Variants in RUSC1 observed in about 807,000 individuals in gnomAD.
RUSC1 encodes AP-4 complex accessory subunit RUSC1.
Under a neutral mutation model 72.1 loss-of-function variants are expected in RUSC1, and 40 were observed. The ratio of observed to expected loss-of-function variants is 0.55; its 90% CI spans 0.43 to 0.72. The LOEUF (loss-of-function observed/expected upper bound fraction) is 0.72, where lower values mean the gene tolerates loss of function less well. Among genes scored for constraint, RUSC1 ranks in the 30% least tolerant of loss-of-function variants. RUSC1 has a pLI of 0.00. For synonymous variants in RUSC1, 512 were observed against 494.2 expected, an observed-to-expected ratio of 1.04 and a Z score of -0.48; for missense variants, 1,092 against 1,172.3, an observed-to-expected ratio of 0.93 and a Z score of 1.00.
At position 155,322,289 on chromosome 1, in the gene RUSC1, T is replaced by A; in HGVS notation, c.516T>A (p.Ser172=). The part of the protein sequence containing the change: ...CSPDSCSGAS[S]SPDPGLDSNC... The stretch of plus-strand genomic sequence containing the variant: ...CTGATTCCTGCTCCGGAGCTTCTTC[T>A]TCACCCGATCCTGGCCTGGACTCGA... Residue 172 remains serine (S), a synonymous_variant, in exon 2 of 10, where the codon TCT becomes TCA. Transcript: ENST00000368352. The A allele has an allele frequency of 1.9e-6, 3 of 1,611,442 alleles. No homozygotes were observed. Among genetic ancestry groups the A allele is most frequent in the Non-Finnish European group, 2.5e-6 (3 of 1,178,076 alleles).
At position 155,321,893 on chromosome 1, in the gene RUSC1, CCCT is replaced by C. The variant is rs1206879692; in HGVS notation, c.126_128del (p.Pro43del). On this transcript the variant is annotated inframe_deletion, in exon 2 of 10. Transcript: ENST00000368352. The stretch of plus-strand genomic sequence containing the variant: ...TACAGGAGGGGCCTTTGAGCACACC[CCCT>C]CCTCCAGGAGACACTGGGGGCAAGG... 1 of 1,612,254 alleles carries C rather than the reference CCCT, an allele frequency of 6.2e-7. No homozygotes were observed. Among genetic ancestry groups the C allele is most frequent in the Non-Finnish European group, 8.5e-7 (1 of 1,179,462 alleles).
At chr1:155,321,058 G>A in intron 1 of RUSC1, 67 bp downstream of exon 1, 1 of 1,440,022 alleles carries the variant, frequency 6.9e-7, no homozygotes, top group Non-Finnish European at 9.3e-7. Flanking sequence ...GCAGGACAAG[G>A]GAGCAGGAGA....
rs753893340 is a variant in RUSC1 at position 155,322,365 on chromosome 1, G to A, written c.592G>A (p.Glu198Lys). 43 of 1,613,786 alleles carry A rather than the reference G, an allele frequency of 2.7e-5. No individual in the cohort carries two copies. Among genetic ancestry groups the A allele is most frequent in the Non-Finnish European group, 2.6e-5 (31 of 1,179,776 alleles). ...GGACGTCCCTTCCCCAGGCTTGGAG[G>A]AAGAGGACGAGAGGGCGGAGCAGGA... Reference protein sequence around the residue: ...CQDVPSPGLEEEDERAEQDLP... With the variant: ...CQDVPSPGLEKEDERAEQDLP... Residue 198 changes from glutamate to lysine, a missense_variant, in exon 2 of 10, where the codon GAA becomes AAA. Coordinates refer to ENST00000368352, the MANE Select transcript of RUSC1 (RefSeq NM_001105203.2).
chr1:155,321,039 A>C, intron 1 of RUSC1, 48 bp downstream of exon 1: 1 of 1,467,270 alleles, frequency 6.8e-7, no homozygotes, highest in Non-Finnish European at 9.2e-7. Context: ...CCTGGGCACG[A>C]GGGGCGGGGC....
Position 155,322,974 on chromosome 1 carries a change from C to A in RUSC1, c.1201C>A (p.Pro401Thr). The change falls in exon 2 of 10, where the codon CCC becomes ACC. Residue 401 changes from proline (P) to threonine (T), a missense_variant. Physicochemically the swap from Pro to Thr is conservative, Grantham distance 38. Transcript: ENST00000368352. ...TGGCTGGGCTTTGGTCCCGCCCCGG[C>A]CCCCACCCCCGCCTGTCCCTCCCCG... ...PVGWALVPPR[P>T]PPPPVPPRRK... The A allele has an allele frequency of 2.0e-6, 3 of 1,485,834 alleles. No individual in the cohort carries two copies. Among genetic ancestry groups the A allele is most frequent in the Non-Finnish European group, 2.7e-6 (3 of 1,102,354 alleles). The allele number at this position is 1,485,834 out of a possible 1,614,324, so 92.0% of individuals were successfully genotyped here.
chr1:155,326,672 C>T lies in RUSC1; in HGVS notation c.1954C>T (p.Gln652Ter). ...GTCCACAGAGCTGCTGCTCCTGCTG[C>T]AGCCATTGTCGGTGCTCACTTTCCA... ...SLSTELLLLL[Q>*]PLSVLTFHLD... The change falls in exon 8 of 10, where the codon CAG becomes TAG. Residue 652 changes from glutamine (Q) to a stop codon, truncating the protein, a stop_gained. Transcript: ENST00000368352. LOFTEE classifies it high-confidence loss of function. The surrounding 1 kb of genome is among the most constrained non-coding windows in gnomAD (Gnocchi z 4.7). The T allele has an allele frequency of 6.2e-7, 1 of 1,613,900 alleles. No individual in the cohort carries two copies. Among genetic ancestry groups the T allele is most frequent in the Non-Finnish European group, 8.5e-7 (1 of 1,180,036 alleles).
chr1:155,329,863 CAGG>C (rs1352980535), intron 9 of RUSC1, among the ~76,000 whole-genome samples: 1 of 148,384 alleles, frequency 6.7e-6, no homozygotes, highest in Non-Finnish European at 1.5e-5. Flanking sequence ...GAGGCTGAGG[CAGG>C]AGAATTGCTT....
chr1:155,330,314 C>T (rs1651877601), intron 9 of RUSC1, 89 bp from the exon 10 acceptor site: 1 of 1,348,068 alleles, frequency 7.4e-7, no homozygotes, highest in Admixed American at 2.0e-5. Context: ...CTGAGCCAAA[C>T]CAACAAGGGC....
At position 155,326,860 on chromosome 1, in the gene RUSC1, T is replaced by C. The variant is rs755487391; in HGVS notation, c.2142T>C (p.Ala714=). The change falls in exon 8 of 10, where the codon GCT becomes GCC. Residue 714 remains alanine (A), a synonymous_variant. Transcript: ENST00000368352. The surrounding 1 kb of genome is among the most constrained non-coding windows in gnomAD (Gnocchi z 4.7). ...QSLRGTSKEA[A]SDPSDSPNLP... ...TTCGGGGGACTTCCAAGGAAGCTGC[T>C]TCAGACCCCTCTGACTCTCCAAACC... 6.2e-7 allele frequency: 1 copy of C among 1,613,696 alleles called. No homozygotes were observed. Among genetic ancestry groups the C allele is most frequent in the South Asian group, 1.1e-5 (1 of 91,086 alleles).
Position 155,326,704 on chromosome 1 carries a change from C to A in RUSC1, c.1986C>A (p.Asp662Glu), listed in dbSNP as rs773071427. 1 of 1,613,472 alleles carries A rather than the reference C, an allele frequency of 6.2e-7. No homozygotes were observed. Among genetic ancestry groups the A allele is most frequent in the Non-Finnish European group, 8.5e-7 (1 of 1,180,044 alleles). ...TGTCGGTGCTCACTTTCCACCTGGACCTGCTCTTTGAGCACCACCACCACC... is the reference window on the plus strand; with the variant it reads ...TGTCGGTGCTCACTTTCCACCTGGAACTGCTCTTTGAGCACCACCACCACC... ...QPLSVLTFHL[D>E]LLFEHHHHLP... is the part of the protein sequence containing the mutation. The change falls in exon 8 of 10, where the codon GAC (aspartate) becomes GAA (glutamate). Residue 662 changes from aspartate (D) to glutamate (E), a missense_variant. By Grantham distance (45) the Asp-to-Glu change is conservative. Coordinates refer to ENST00000368352, the MANE Select transcript of RUSC1 (RefSeq NM_001105203.2). The surrounding 1 kb of genome is among the most constrained non-coding windows in gnomAD (Gnocchi z 4.7).
In RUSC1 at chr1:155,328,177, A is replaced by C. The variant is rs759886970; in HGVS notation, c.2442A>C (p.Thr814=). The C allele has an allele frequency of 1.4e-5, 23 of 1,613,416 alleles. No individual in the cohort carries two copies. In the Middle Eastern group the frequency reaches 5.0e-4, roughly 35 times the overall value. The change falls in exon 9 of 10, where the codon ACA becomes ACC. Residue 814 remains threonine, a synonymous_variant. Coordinates refer to ENST00000368352, the MANE Select transcript of RUSC1 (RefSeq NM_001105203.2). The part of the protein sequence containing the change: ...SRRPSSWLPP[T]VSVLALVKRG... The stretch of plus-strand genomic sequence containing the variant: ...GACCATCTAGCTGGCTGCCCCCGAC[A>C]GTGAGTGTGTTGGCTCTTGTGAAGC...
Position 155,325,195 on chromosome 1 carries a change from G to A in RUSC1, c.1533+17G>A. ...GTGCAGAAGGTGAAGGTGGCTGGGG[G>A]GAGGCTGTTGGGATGAGGAGAGTAA... On this transcript the variant is annotated intron_variant, in intron 4 of 9. Transcript: ENST00000368352. This position sits in a 1 kb window ranked among gnomAD's most constrained non-coding sequence, Gnocchi z 6.5. 4 of 1,614,184 alleles carry A rather than the reference G, an allele frequency of 2.5e-6. No homozygotes were observed. Among genetic ancestry groups the A allele is most frequent in the Non-Finnish European group, 3.4e-6 (4 of 1,180,032 alleles).
chr1:155,323,133 A>G lies in RUSC1; in HGVS notation c.1357+3A>G, dbSNP rs996983731. 4 of 1,405,022 alleles carry G rather than the reference A, an allele frequency of 2.8e-6. No homozygotes were observed. The highest frequency in any genetic ancestry group is 3.0e-5 in the African/African-American group (2 of 66,740). The allele number at this position is 1,405,022 out of a possible 1,614,324, so 87.0% of individuals were successfully genotyped here. ...GGGCGCGCAGGCCGGCCTGGAGGGTAAGAGGTCGCAAGAAGCGGGAGGAGG... is the reference window on the plus strand; with the variant it reads ...GGGCGCGCAGGCCGGCCTGGAGGGTGAGAGGTCGCAAGAAGCGGGAGGAGG... On this transcript the variant is annotated splice_donor_region_variant and intron_variant, in intron 2 of 9. Coordinates refer to ENST00000368352, the MANE Select transcript of RUSC1 (RefSeq NM_001105203.2).
rs1210612488 is a variant in RUSC1, at chr1:155,320,991, G to A, written c.-87G>A. 2.0e-6 allele frequency: 3 copies of A among 1,522,040 alleles called. No homozygotes were observed. Among genetic ancestry groups the A allele is most frequent in the Non-Finnish European group, 2.7e-6 (3 of 1,123,698 alleles). The allele number at this position is 1,522,040 out of a possible 1,614,324, so 94.3% of individuals were successfully genotyped here. Reference sequence around the variant, plus strand: ...GCCGGAGCGGTTCCAGGAGGACCCTGGTGAGGAGGGCTCGGCCCATGGGTG... The same window carrying A: ...GCCGGAGCGGTTCCAGGAGGACCCTAGTGAGGAGGGCTCGGCCCATGGGTG... On this transcript the variant is annotated splice_region_variant and 5_prime_UTR_variant, in exon 1 of 10. Transcript: ENST00000368352.
chr1:155,328,441 T>TC (rs1332719989), intron 9 of RUSC1, among the ~76,000 whole-genome samples, 166 bp downstream of exon 9: 2 of 151,702 alleles, frequency 1.3e-5, no homozygotes, highest in East Asian at 3.8e-4. Context: ...GCCTTGGATT[T>TC]TTTTTTTTTT....
At chr1:155,324,672 C>T in intron 2 of RUSC1, 173 bp from the exon 3 acceptor site, 2 of 1,535,718 alleles carry the variant, frequency 1.3e-6, no homozygotes, top group Non-Finnish European at 1.7e-6. Flanking sequence ...CGAGATTTCA[C>T]TCCGGGGCTC....
In RUSC1 at chr1:155,330,523, T is replaced by C; in HGVS notation, c.2661T>C (p.Asp887=). The C allele has an allele frequency of 6.2e-7, 1 of 1,613,696 alleles. No homozygotes were observed. The highest frequency in any genetic ancestry group is 1.1e-5 in the South Asian group (1 of 91,044). Residue 887 remains aspartate (D), a synonymous_variant, in exon 10 of 10, where the codon GAT becomes GAC. Transcript: ENST00000368352. ...AGGACTGGCTCCGCTGTGGGCGGGA[T>C]GGCATGGAGGGTCTGGTGCCTGTGG... ...VDEDWLRCGR[D]GMEGLVPVGY...
chr1:155,328,262 G>A lies in RUSC1; in HGVS notation c.2527G>A (p.Val843Met), dbSNP rs1304157966. 13 of 1,611,876 alleles carry A rather than the reference G, an allele frequency of 8.1e-6. No homozygotes were observed. Among genetic ancestry groups the A allele is most frequent in the Non-Finnish European group, 9.3e-6 (11 of 1,179,024 alleles). ...GCTTGAGGCCTCAGCACCCAGGATG[G>A]TGCAAACCCATAGGTAAGGAGGATT... ...QELEASAPRM[V>M]QTHRAVRALC... Residue 843 changes from valine (V) to methionine (M), a missense_variant, in exon 9 of 10, where the codon GTG (valine) becomes ATG (methionine). By Grantham distance (21) the Val-to-Met change is conservative (BLOSUM62 1). Transcript: ENST00000368352.
chr1:155,330,591 G>A lies in RUSC1; in HGVS notation c.*20G>A, dbSNP rs41264225. On this transcript the variant is annotated 3_prime_UTR_variant, in exon 10 of 10. Transcript: ENST00000368352. ...CTGTAGCCCTGGGACCCTTTCCTGC[G>A]TATGTGTCTCCTTCCTGTCACCTGG... is the stretch of plus-strand genomic sequence containing the variant. 8,280 of 1,546,724 alleles carry A rather than the reference G, an allele frequency of 5.4e-3. 49 individuals are homozygous for A. The highest frequency in any genetic ancestry group is 5.8e-3 in the Non-Finnish European group (6,586 of 1,143,008).
Sources: gnomAD v4.1 joint callset for allele counts (sites outside exome capture counted in the v4.1 genomes callset) on GRCh38, gnomAD v4.1.1 for gene constraint, Gnocchi (gnomAD v3.1) non-coding constraint, MANE v1.5 for transcripts, NCBI Gene and HGNC (gene_info 2026-07-23, HGNC 2026-07-21) for gene names.